PPARGC1B: variants seen among roughly 807,000 people sequenced by gnomAD.
The protein encoded by PPARGC1B is PPARG coactivator 1 beta.
Under a neutral mutation model 101.6 loss-of-function variants are expected in PPARGC1B, and 34 were observed. The observed-to-expected ratio is 0.33, with a 90% CI of 0.25 to 0.45. PPARGC1B has a LOEUF of 0.45. Ranked by LOEUF, PPARGC1B falls within the 20% of genes least tolerant of loss-of-function variation. The pLI, the probability that PPARGC1B is intolerant of heterozygous loss-of-function variation, is 1.00. For synonymous variants in PPARGC1B, 548 were observed against 539.3 expected (o/e 1.02, Z -0.22); for missense variants, 1,234 against 1,317.6 (o/e 0.94, Z 0.98).
chr5:149,787,700 A>C (rs1465627290), intron 1 of PPARGC1B, among the ~76,000 whole-genome samples: 1 of 152,184 alleles, frequency 6.6e-6, no homozygotes, highest in Non-Finnish European at 1.5e-5. Flanking sequence ...GGACACTATA[A>C]TCTACCAGTG....
intron 1 of PPARGC1B, among the ~76,000 whole-genome samples, chr5:149,819,402 A>T (rs1758183695): frequency 6.6e-6 from 1 of 152,060 alleles, no homozygotes; most frequent in South Asian, 2.1e-4. Context: ...TTTTTATTTA[A>T]TGTGTCTTGG....
Position 149,830,846 on chromosome 5 carries a change from C to T in PPARGC1B, c.545C>T (p.Ala182Val). The T allele has an allele frequency of 6.2e-7, 1 of 1,614,144 alleles. No homozygotes were observed. The highest frequency in any genetic ancestry group is 8.5e-7 in the Non-Finnish European group (1 of 1,179,952). Residue 182 changes from alanine (A) to valine (V), a missense_variant, in exon 4 of 12, where the codon GCA (alanine) becomes GTA (valine). By Grantham distance (64) the Ala-to-Val change is moderately conservative. This residue lies in a region of PPARGC1B where 734 missense variants were observed against 768.4 expected (regional missense o/e 0.96). Coordinates refer to ENST00000309241, the MANE Select transcript of PPARGC1B (RefSeq NM_133263.4). ...AAGGAAGGGACCGCCTGGCGCCAGG[C>T]AGGCCTCAGATCTAAAAGTCAACGG... ...TQKEGTAWRQ[A>V]GLRSKSQRPC...
At chr5:149,758,007 C>G (rs1437647988) in intron 1 of PPARGC1B, among the ~76,000 whole-genome samples, 1 of 152,252 alleles carries the variant, frequency 6.6e-6, no homozygotes, top group East Asian at 1.9e-4. Flanking sequence ...CTCCTAGTAA[C>G]AGCGTGAGTA....
intron 8 of PPARGC1B, among the ~76,000 whole-genome samples, chr5:149,839,518 G>A (rs1357845353): frequency 6.6e-6 from 1 of 152,188 alleles, no homozygotes; most frequent in African/African-American, 2.4e-5. Flanking sequence ...GAGCTGCAAT[G>A]GCCAGGGGCT....
intron 1 of PPARGC1B, among the ~76,000 whole-genome samples, chr5:149,735,569 G>T (rs1039251195): frequency 1.3e-5 from 2 of 152,190 alleles, no homozygotes; most frequent in Non-Finnish European, 2.9e-5. Context: ...TGAGCCTTCT[G>T]TTTGCACTAC....
At chr5:149,750,230 T>G (rs961763247) in intron 1 of PPARGC1B, among the ~76,000 whole-genome samples, 1 of 151,552 alleles carries the variant, frequency 6.6e-6, no homozygotes, top group African/African-American at 2.4e-5. Context: ...TCACGGAACA[T>G]TGGATAAGTC....
chr5:149,794,855 G>A (rs1191278408), intron 1 of PPARGC1B, among the ~76,000 whole-genome samples: 1 of 152,242 alleles, frequency 6.6e-6, no homozygotes, highest in Non-Finnish European at 1.5e-5. Flanking sequence ...AACCAGATTG[G>A]AATGCAGGCA....
At chr5:149,747,534 C>T (rs1017504325) in intron 1 of PPARGC1B, among the ~76,000 whole-genome samples, 3 of 152,216 alleles carry the variant, frequency 2.0e-5, no homozygotes, top group Non-Finnish European at 4.4e-5. Context: ...GCAGGCATGA[C>T]CAGGGCCCCG....
chr5:149,757,707 A>G (rs929764866), intron 1 of PPARGC1B, among the ~76,000 whole-genome samples: 6 of 152,320 alleles, frequency 3.9e-5, no homozygotes, highest in South Asian at 4.1e-4. Flanking sequence ...AGTGGAGGTC[A>G]GTGGGGCTAA....
intron 1 of PPARGC1B, among the ~76,000 whole-genome samples, chr5:149,810,922 A>AT (rs893544739): frequency 9.2e-5 from 14 of 152,344 alleles, no homozygotes; most frequent in South Asian, 2.1e-4. Context: ...GTAGTCCATC[A>AT]TAAGACTTTA....
At chr5:149,750,754 G>A (rs774993688) in intron 1 of PPARGC1B, among the ~76,000 whole-genome samples, 99 of 152,292 alleles carry the variant, frequency 6.5e-4, no homozygotes, top group Non-Finnish European at 1.3e-3. Context: ...AAAGCCATCC[G>A]ATTATCTCTG....
chr5:149,819,424 A>G (rs1028460362), intron 1 of PPARGC1B, among the ~76,000 whole-genome samples: 19 of 152,184 alleles, frequency 1.2e-4, no homozygotes, highest in African/African-American at 3.9e-4. Context: ...GAACACACAG[A>G]TCTTCCTCAT....
At chr5:149,783,089 T>TA (rs1554076431) in intron 1 of PPARGC1B, among the ~76,000 whole-genome samples, 1 of 81,440 alleles carries the variant, frequency 1.2e-5, no homozygotes, top group African/African-American at 7.2e-5. Flanking sequence ...GAATGAGAGA[T>TA]AAAGAGAGAG....
intron 10 of PPARGC1B, among the ~76,000 whole-genome samples, chr5:149,842,648 C>G (rs1039937733): frequency 6.6e-6 from 1 of 152,238 alleles, no homozygotes; most frequent in Non-Finnish European, 1.5e-5. Flanking sequence ...CATAAGCACT[C>G]CTGGTCTTTC....
intron 1 of PPARGC1B, among the ~76,000 whole-genome samples, chr5:149,804,495 G>A (rs111810043): frequency 0.013 from 1,991 of 152,224 alleles, 40 homozygotes; most frequent in African/African-American, 0.045. Context: ...CCAACATGGC[G>A]AAACCCCATC....
In PPARGC1B at chr5:149,814,071, G is replaced by C. The variant is rs781157852; in HGVS notation, c.79-6362G>C. Among the ~76,000 whole-genome samples the C allele has an allele frequency of 4.4e-4, 67 of 152,190 alleles. 1 individual carries two copies. The highest frequency in any genetic ancestry group is 7.3e-4 in the Non-Finnish European group (50 of 68,032). On this transcript the variant is annotated intron_variant, in intron 1 of 11. Transcript: ENST00000309241. ...TAGTAATCTGTGACCACCACTCATG[G>C]ATGTCTGATCCATGCCATGTTCCCA...
intron 6 of PPARGC1B, 84 bp from the exon 7 acceptor site, chr5:149,835,217 T>A (rs968652744): frequency 1.6e-6 from 2 of 1,263,638 alleles, no homozygotes; most frequent in South Asian, 1.2e-5. Flanking sequence ...GTCACAGCAC[T>A]CCCTGCGACC....
In PPARGC1B at chr5:149,850,499, T is replaced by C. The variant is rs1759726054; in HGVS notation, c.*2941T>C. The stretch of plus-strand genomic sequence containing the variant: ...ATCCCGTACATAAAATGCTACAAGT[T>C]CTAAAATTTACCGACCCTGCAGACA... On this transcript the variant is annotated 3_prime_UTR_variant, in exon 12 of 12. Coordinates refer to ENST00000309241, the MANE Select transcript of PPARGC1B (RefSeq NM_133263.4). 1 of 152,144 alleles carries C rather than the reference T, an allele frequency of 6.6e-6. No individual in the cohort carries two copies. Among genetic ancestry groups the C allele is most frequent in the Non-Finnish European group, 1.5e-5 (1 of 68,030 alleles). 9.4% of individuals were successfully genotyped at this position (152,144 alleles called of 1,614,324 possible).
chr5:149,832,624 C>T lies in PPARGC1B; in HGVS notation c.583-32C>T, dbSNP rs71586144. ...ACACATGGGAGGAGTGTTTGGGCCT[C>T]CTTCCTCACTCTGGCCTCTCTCCCT... On this transcript the variant is annotated intron_variant, in intron 4 of 11. Transcript: ENST00000309241. The surrounding 1 kb of genome is among the most constrained non-coding windows in gnomAD (Gnocchi z 4.9). The T allele has an allele frequency of 5.3e-6, 8 of 1,499,884 alleles. No homozygotes were observed. The South Asian group carries it at 9.7e-5, about 18-fold the overall frequency. The allele number at this position is 1,499,884 out of a possible 1,614,324, so 92.9% of individuals were successfully genotyped here.
Sources: allele counts gnomAD v4.1 joint callset (sites outside exome capture counted in the v4.1 genomes callset), GRCh38; gene constraint gnomAD v4.1.1; regional missense constraint gnomAD v4.1.1; non-coding constraint Gnocchi (gnomAD v3.1); transcripts MANE v1.5; gene names NCBI Gene and HGNC (gene_info 2026-07-23, HGNC 2026-07-21).